The following RASA1 variants were observed in gnomAD, a reference collection of about 807,000 sequenced individuals.
RASA1 encodes the protein ras GTPase-activating protein 1.
A neutral mutation model predicts 132.2 loss-of-function variants in RASA1; 25 were observed. The ratio of observed to expected loss-of-function variants is 0.19; its 90% confidence interval spans 0.14 to 0.26. The LOEUF (loss-of-function observed/expected upper bound fraction) is 0.26. Ranked by LOEUF, RASA1 falls within the 10% of genes least tolerant of loss-of-function variation. The pLI, the probability that RASA1 is intolerant of heterozygous loss-of-function variation, is 1.00. For missense variants in RASA1, 964 were observed against 1,299.2 expected (o/e 0.74, Z 3.97); for synonymous variants, 477 against 449.9 (o/e 1.06, Z -0.76).
At chr5:87,272,218 C>T (rs1753875754) in intron 1 of RASA1, among the ~76,000 whole-genome samples, 1 of 151,352 alleles carries the variant, frequency 6.6e-6, no homozygotes, top group Non-Finnish European at 1.5e-5. Context: ...GGGATTTTCA[C>T]CATTACTACA....
At chr5:87,384,030 C>T (rs573456823) in intron 21 of RASA1, among the ~76,000 whole-genome samples, 31 of 152,050 alleles carry the variant, frequency 2.0e-4, no homozygotes, top group Non-Finnish European at 3.7e-4. Flanking sequence ...CTTTTTTCTA[C>T]CCCTATTTGT....
At chr5:87,273,705 T>C (rs1387223675) in intron 1 of RASA1, among the ~76,000 whole-genome samples, 2 of 150,934 alleles carry the variant, frequency 1.3e-5, no homozygotes, top group Admixed American at 1.3e-4. Flanking sequence ...TTTTTCTTTT[T>C]TTTTTTTTTT....
chr5:87,345,353 T>C (rs1242376984), intron 6 of RASA1, among the ~76,000 whole-genome samples: 1 of 152,176 alleles, frequency 6.6e-6, no homozygotes, highest in Non-Finnish European at 1.5e-5. Flanking sequence ...TTTTTACCCT[T>C]CTTTTTTTGA....
At chr5:87,286,630 C>G (rs1754577356) in intron 1 of RASA1, among the ~76,000 whole-genome samples, 1 of 151,954 alleles carries the variant, frequency 6.6e-6, no homozygotes, top group African/African-American at 2.4e-5. Flanking sequence ...ATTTGAAACT[C>G]CCAGCAGTTT....
chr5:87,332,421 A>T, intron 2 of RASA1, 86 bp from the exon 3 acceptor site: 1 of 1,336,164 alleles, frequency 7.5e-7, no homozygotes, highest in Non-Finnish European at 1.1e-6. Context: ...TATGGAAATT[A>T]TGGATTTATA....
chr5:87,319,912 T>C (rs949187142), intron 1 of RASA1, among the ~76,000 whole-genome samples: 1 of 152,192 alleles, frequency 6.6e-6, no homozygotes, highest in Non-Finnish European at 1.5e-5. Context: ...AGTTCCAATT[T>C]CACACCGTCT....
chr5:87,350,762 CA>C (rs1368929860), intron 8 of RASA1, among the ~76,000 whole-genome samples: 2 of 150,730 alleles, frequency 1.3e-5, no homozygotes, highest in Non-Finnish European at 3.0e-5. Flanking sequence ...TGGCCTTGAC[CA>C]TTCCCCCAGA....
At chr5:87,301,911 A>C (rs546051486) in intron 1 of RASA1, among the ~76,000 whole-genome samples, 40 of 152,142 alleles carry the variant, frequency 2.6e-4, no homozygotes, top group Non-Finnish European at 5.0e-4. Flanking sequence ...TTACATTGTG[A>C]CTATACCAAC....
At chr5:87,298,097 T>C (rs539716831) in intron 1 of RASA1, among the ~76,000 whole-genome samples, 3 of 152,214 alleles carry the variant, frequency 2.0e-5, no homozygotes, top group South Asian at 4.1e-4. Flanking sequence ...TGGTGACTTT[T>C]AATCTTCTTA....
chr5:87,297,796 G>T (rs1041693777), intron 1 of RASA1, among the ~76,000 whole-genome samples: 2 of 152,162 alleles, frequency 1.3e-5, no homozygotes, highest in African/African-American at 2.4e-5. Context: ...TCACAAGAGT[G>T]TCAGGGCCTC....
intron 9 of RASA1, among the ~76,000 whole-genome samples, chr5:87,361,216 G>A (rs568347963): frequency 6.6e-6 from 1 of 152,312 alleles, no homozygotes; most frequent in East Asian, 1.9e-4. Flanking sequence ...CTGTGTTCCA[G>A]TAAAACTTTA....
chr5:87,379,663 A>G (rs1171720981), intron 18 of RASA1, 72 bp from the exon 19 acceptor site: 34 of 1,568,718 alleles, frequency 2.2e-5, no homozygotes, highest in African/African-American at 2.7e-5. Context: ...AACTATAACT[A>G]CTTGTTTTCC....
chr5:87,363,574 C>T (rs1760274603), intron 11 of RASA1, 70 bp downstream of exon 11: 2 of 1,514,498 alleles, frequency 1.3e-6, no homozygotes, highest in African/African-American at 2.8e-5. Context: ...CAAAGCAAAC[C>T]AATTTTGAGA....
intron 1 of RASA1, among the ~76,000 whole-genome samples, chr5:87,323,560 A>C (rs1756986620): frequency 6.6e-6 from 1 of 152,206 alleles, no homozygotes; most frequent in African/African-American, 2.4e-5. Flanking sequence ...AAATTCCATA[A>C]GTAAGGTAGT....
intron 9 of RASA1, 118 bp from the exon 10 acceptor site, chr5:87,362,433 A>T: frequency 1.1e-6 from 1 of 939,456 alleles, no homozygotes; most frequent in Non-Finnish European, 1.6e-6. Flanking sequence ...TTTATGTGTT[A>T]TGTGTATCTA....
At chr5:87,338,846 C>T (rs1001421326) in intron 5 of RASA1, among the ~76,000 whole-genome samples, 1 of 151,904 alleles carries the variant, frequency 6.6e-6, no homozygotes, top group African/African-American at 2.4e-5. Context: ...TTATATTATA[C>T]ATATATTATC....
chr5:87,274,041 T>C (rs894021635), intron 1 of RASA1, among the ~76,000 whole-genome samples: 1 of 152,162 alleles, frequency 6.6e-6, no homozygotes. Flanking sequence ...CTAGCATCTC[T>C]AGAAAACCCA....
chr5:87,325,649 A>G (rs1757175473), intron 1 of RASA1, among the ~76,000 whole-genome samples: 1 of 152,238 alleles, frequency 6.6e-6, no homozygotes, highest in African/African-American at 2.4e-5. Flanking sequence ...TAATATAACC[A>G]AAAGGAAAAA....
rs1286251167 is a variant in RASA1 at position 87,287,465 on chromosome 5, TAC to T, written c.539+18480_539+18481del. Reference sequence around the variant, plus strand: ...ATACACCATATATATACCATATATATACACACCATATATATACACACCATATA... The same window carrying T: ...ATACACCATATATATACCATATATATACACCATATATATACACACCATATA... On this transcript the variant is annotated intron_variant, in intron 1 of 24. Coordinates refer to ENST00000274376, the MANE Select transcript of RASA1 (RefSeq NM_002890.3). Among the ~76,000 whole-genome samples the T allele has an allele frequency of 2.7e-5, 4 of 146,490 alleles. No individual in the cohort carries two copies. In the South Asian group the frequency reaches 8.5e-4, roughly 31 times the overall value.
Sources: gnomAD v4.1 joint callset for allele counts (sites outside exome capture counted in the v4.1 genomes callset) on GRCh38, gnomAD v4.1.1 for gene constraint, MANE v1.5 for transcripts, NCBI Gene and HGNC (gene_info 2026-07-23, HGNC 2026-07-21) for gene names.